Variants in SLC39A1 observed in about 807,000 individuals in gnomAD.
SLC39A1 encodes the protein zinc transporter ZIP1.
A neutral mutation model predicts 21.4 loss-of-function variants in SLC39A1; 17 were observed. The observed-to-expected ratio is 0.79, with a 90% CI of 0.54 to 1.19. The LOEUF is 1.19. Ranked by LOEUF, SLC39A1 falls within the 50% of genes most tolerant of loss-of-function variation. The probability of loss-of-function intolerance (pLI) is 0.00; values close to 1 mark genes in which losing one functional copy is unlikely to be tolerated. For missense variants in SLC39A1, 343 were observed against 399.8 expected, an observed-to-expected ratio of 0.86 and a Z score of 1.21; for synonymous variants, 183 against 185.9, an observed-to-expected ratio of 0.98 and a Z score of 0.13.
rs771974876 is a variant in SLC39A1, at chr1:153,960,422, G to T, written c.651C>A (p.His217Gln). The change falls in exon 4 of 4, where the codon CAC becomes CAA. Residue 217 changes from histidine (H) to glutamine (Q), a missense_variant. By Grantham distance (24) the His-to-Gln change is conservative. Transcript: ENST00000356205. ...ACAGGCTGACAGCCAGGATGCCCTT[G>T]TGGAGCAGCAAAGCCAGGCACAGCT... ...AMELCLALLL[H>Q]KGILAVSLSL... The T allele has an allele frequency of 4.3e-6, 7 of 1,613,886 alleles. No individual in the cohort carries two copies. In the African/African-American group the frequency reaches 6.7e-5, roughly 15 times the overall value.
chr1:153,962,237 C>G lies in SLC39A1; in HGVS notation c.301G>C (p.Ala101Pro), dbSNP rs763469574. 2.5e-6 allele frequency: 4 copies of G among 1,614,066 alleles called. No individual in the cohort carries two copies. Among genetic ancestry groups the G allele is most frequent in the Middle Eastern group, 1.6e-4 (1 of 6,062 alleles). Reference sequence around the variant, plus strand: ...GTGCTCACCGTCACGTGCAAGGCTGCCAGGGCCTCATCTATGGCAGCCAGG... The same window carrying G: ...GTGCTCACCGTCACGTGCAAGGCTGGCAGGGCCTCATCTATGGCAGCCAGG... Reference protein sequence around the residue: ...DYLAAIDEALAALHVTLQFPL... With the variant: ...DYLAAIDEALPALHVTLQFPL... The change falls in exon 3 of 4, where the codon GCA (alanine) becomes CCA (proline). Residue 101 changes from alanine to proline, a missense_variant. Physicochemically the swap from Ala to Pro is conservative, Grantham distance 27 (BLOSUM62 -1). Coordinates refer to ENST00000356205, the MANE Select transcript of SLC39A1 (RefSeq NM_001271958.2).
At chr1:153,966,194 CTT>C (rs1361224965), upstream of SLC39A1, among the ~76,000 whole-genome samples, 1 of 152,178 alleles carries the variant, frequency 6.6e-6, no homozygotes, top group Non-Finnish European at 1.5e-5. Context: ...TGCTTTGTCT[CTT>C]CACTACTTGA....
rs1647353685 is a variant in SLC39A1, at chr1:153,960,671, C to T, written c.402G>A (p.Lys134=). The change falls in exon 4 of 4, where the codon AAG becomes AAA. Residue 134 remains lysine, a synonymous_variant. Transcript: ENST00000356205. ...LVMEQITLAY[K]EQSGPSPLEE... ...CCAGAGGTGACGGCCCTGACTGCTC[C>T]TTGTAAGCCAGTGTGATCTGCTCCA... 2 of 1,614,176 alleles carry T rather than the reference C, an allele frequency of 1.2e-6. No homozygotes were observed. Among genetic ancestry groups the T allele is most frequent in the Non-Finnish European group, 1.7e-6 (2 of 1,180,046 alleles).
At chr1:153,966,535 G>C (rs1647795450), upstream of SLC39A1, 1 of 152,196 alleles carries the variant, frequency 6.6e-6, no homozygotes, top group Non-Finnish European at 1.5e-5. Flanking sequence ...GGAGGCTGAG[G>C]CAGGAGAATG....
upstream of SLC39A1, chr1:153,967,775 T>C (rs1363309906): frequency 6.6e-6 from 1 of 152,202 alleles, no homozygotes; most frequent in Non-Finnish European, 1.5e-5. Context: ...AGTGTGCCAT[T>C]GGCTCGATGT....
chr1:153,965,941 T>A (rs2102147552), upstream of SLC39A1, among the ~76,000 whole-genome samples: 2 of 151,964 alleles, frequency 1.3e-5, no homozygotes, highest in Middle Eastern at 6.8e-3. Context: ...GGCAAGTCAG[T>A]TTTCCTCACC....
chr1:153,960,589 C>A lies in SLC39A1; in HGVS notation c.484G>T (p.Gly162Trp). 4 of 1,614,214 alleles carry A rather than the reference C, an allele frequency of 2.5e-6. No homozygotes were observed. Among genetic ancestry groups the A allele is most frequent in the Non-Finnish European group, 3.4e-6 (4 of 1,180,050 alleles). Residue 162 changes from glycine to tryptophan, a missense_variant, in exon 4 of 4, where the codon GGG (glycine) becomes TGG (tryptophan). Coordinates refer to ENST00000356205, the MANE Select transcript of SLC39A1 (RefSeq NM_001271958.2). ...CCACTCGCCTGTGGGACCCCTGGCC[C>A]ATCATGCCAATGCTGCGGCCCACCA... The part of the protein sequence containing the change: ...VNGGPQHWHD[G>W]PGVPQASGAP...
chr1:153,962,130 G>C, intron 3 of SLC39A1, 90 bp downstream of exon 3: 1 of 1,524,076 alleles, frequency 6.6e-7, no homozygotes. Context: ...CACAGTCATG[G>C]AGTGGCACAT....
chr1:153,962,332 A>G lies in SLC39A1; in HGVS notation c.206T>C (p.Leu69Pro), dbSNP rs1647508586. ...HEGSASRQKA[L>P]SLVSCFAGGV... ...CCCCGCGAAACAGCTTACTAGGCTCAGGGCTTTCTGGCGGGAAGCTGGGTA... is the reference window on the plus strand; with the variant it reads ...CCCCGCGAAACAGCTTACTAGGCTCGGGGCTTTCTGGCGGGAAGCTGGGTA... The change falls in exon 3 of 4, where the codon CTG (leucine) becomes CCG (proline). Residue 69 changes from leucine to proline, a missense_variant. Leu to Pro is a moderately conservative substitution (Grantham distance 98, BLOSUM62 -3). Coordinates refer to ENST00000356205, the MANE Select transcript of SLC39A1 (RefSeq NM_001271958.2). 6.2e-7 allele frequency: 1 copy of G among 1,614,022 alleles called. No homozygotes were observed. The highest frequency in any genetic ancestry group is 8.5e-7 in the Non-Finnish European group (1 of 1,180,006).
intron 1 of SLC39A1, 28 bp from the exon 2 acceptor site, chr1:153,962,775 A>G (rs1213404554): frequency 1.0e-5 from 15 of 1,436,868 alleles, no homozygotes; most frequent in Non-Finnish European, 1.4e-5. Context: ...AGTGGTTGGG[A>G]AAAATCATGC....
At chr1:153,966,217 G>A (rs1374418944), upstream of SLC39A1, among the ~76,000 whole-genome samples, 1 of 152,218 alleles carries the variant, frequency 6.6e-6, no homozygotes, top group African/African-American at 2.4e-5. Flanking sequence ...GCAGGATGGA[G>A]AGATATGAGC....
intron 3 of SLC39A1, among the ~76,000 whole-genome samples, 160 bp from the exon 4 acceptor site, chr1:153,960,914 C>A (rs955867011): frequency 6.6e-5 from 10 of 152,212 alleles, no homozygotes; most frequent in African/African-American, 2.2e-4. Flanking sequence ...CAGAATGATA[C>A]GTACACACAG....
chr1:153,961,009 C>T (rs1647400285), intron 3 of SLC39A1, among the ~76,000 whole-genome samples: 1 of 152,200 alleles, frequency 6.6e-6, no homozygotes, highest in Non-Finnish European at 1.5e-5. Flanking sequence ...GGGGCAGTGG[C>T]TCATGCCTAT....
chr1:153,962,383 C>A, intron 2 of SLC39A1, 33 bp from the exon 3 acceptor site: 1 of 1,607,610 alleles, frequency 6.2e-7, no homozygotes. Context: ...GGGGAATAAG[C>A]AAACAAACCC....
chr1:153,962,395 C>A, intron 2 of SLC39A1, 45 bp from the exon 3 acceptor site: 6 of 1,598,474 alleles, frequency 3.8e-6, no homozygotes, highest in Non-Finnish European at 5.1e-6. Flanking sequence ...AACAAACCCC[C>A]TCCAGGGCCG....
At chr1:153,964,864 C>T (rs1295859744), upstream of SLC39A1, 1 of 151,208 alleles carries the variant, frequency 6.6e-6, no homozygotes. Context: ...CGCTTGAACC[C>T]GGGAGCCGGA....
upstream of SLC39A1, chr1:153,965,093 T>C (rs1482299562): frequency 6.6e-6 from 1 of 152,000 alleles, no homozygotes; most frequent in Non-Finnish European, 1.5e-5. Flanking sequence ...ATATGATTAA[T>C]AATTGTATAT....
Position 153,960,188 on chromosome 1 carries a change from C to T in SLC39A1, c.885G>A (p.Glu295=), listed in dbSNP as rs1178752060. The change falls in exon 4 of 4, where the codon GAG becomes GAA. Residue 295 remains glutamate, a synonymous_variant. Transcript: ENST00000356205. ...GGATCCTTTGCTCAGAACTGGCCAG[C>T]TCCTGGGGCAGGATTTCCAGAAAGG... is the stretch of plus-strand genomic sequence containing the variant. The part of the protein sequence containing the change: ...YITFLEILPQ[E]LASSEQRILK... The T allele has an allele frequency of 1.2e-6, 2 of 1,614,138 alleles. No homozygotes were observed. The highest frequency in any genetic ancestry group is 1.7e-6 in the Non-Finnish European group (2 of 1,180,052).
chr1:153,961,853 C>A (rs1234028970), intron 3 of SLC39A1, among the ~76,000 whole-genome samples: 2 of 152,158 alleles, frequency 1.3e-5, no homozygotes, highest in Non-Finnish European at 2.9e-5. Flanking sequence ...CAGGGAATCG[C>A]TTCCTATCCT....
Sources: allele counts gnomAD v4.1 joint callset (sites outside exome capture counted in the v4.1 genomes callset), GRCh38; gene constraint gnomAD v4.1.1; transcripts MANE v1.5; gene names NCBI Gene and HGNC (gene_info 2026-07-23, HGNC 2026-07-21).